The following ANKRD52 variants were observed in gnomAD, a reference collection of about 807,000 sequenced individuals.
The protein encoded by ANKRD52 is ankyrin repeat domain 52.
Under a neutral mutation model 116.0 loss-of-function variants are expected in ANKRD52, and 7 were observed. The ratio of observed to expected loss-of-function variants is 0.06; its 90% confidence interval spans 0.03 to 0.11. The LOEUF is 0.11. Among genes scored for constraint, ANKRD52 ranks in the 10% least tolerant of loss-of-function variants. ANKRD52 has a pLI of 1.00. For missense variants in ANKRD52, 839 were observed against 1,408.6 expected, an observed-to-expected ratio of 0.60 and a Z score of 6.47; for synonymous variants, 528 against 578.1, an observed-to-expected ratio of 0.91 and a Z score of 1.24.
At position 56,244,517 on chromosome 12, in the gene ANKRD52, G is replaced by A; in HGVS notation, c.2723-82C>T. 6.3e-7 allele frequency: 1 copy of A among 1,592,828 alleles called. No individual in the cohort carries two copies. Among genetic ancestry groups the A allele is most frequent in the Non-Finnish European group, 8.6e-7 (1 of 1,164,956 alleles). On this transcript the variant is annotated intron_variant, in intron 24 of 27. Coordinates refer to ENST00000267116, the MANE Select transcript of ANKRD52 (RefSeq NM_173595.4). The surrounding 1 kb of genome is among the most constrained non-coding windows in gnomAD (Gnocchi z 4.9). ...TGGCTCTCCACTTTGCATCCCGTCT[G>A]CAGATGGCGAGACATCCAAAGACAA...
intron 2 of ANKRD52, 35 bp downstream of exon 2, chr12:56,257,793 T>C (rs1872028907): frequency 6.2e-7 from 1 of 1,604,116 alleles, no homozygotes; most frequent in African/African-American, 1.3e-5. Context: ...GGAGCCAGGA[T>C]TCCGGTCTCG....
Position 56,248,930 on chromosome 12 carries a change from C to T in ANKRD52, c.1593-60G>A. ...AGGCCCAGCCCAGGAGGGCACAGTT[C>T]TGGGAGGGCCAGAGGAGAGGACCAA... On this transcript the variant is annotated intron_variant, in intron 15 of 27. Transcript: ENST00000267116. The surrounding 1 kb of genome is among the most constrained non-coding windows in gnomAD (Gnocchi z 5.1). 1 of 1,293,886 alleles carries T rather than the reference C, an allele frequency of 7.7e-7. No homozygotes were observed. The highest frequency in any genetic ancestry group is 2.5e-5 in the East Asian group (1 of 39,388). 80.2% of individuals were successfully genotyped at this position (1,293,886 alleles called of 1,614,324 possible).
intron 22 of ANKRD52, 29 bp from the exon 23 acceptor site, chr12:56,245,018 G>C (rs1270050624): frequency 1.9e-5 from 30 of 1,613,272 alleles, no homozygotes; most frequent in Non-Finnish European, 2.5e-5. Flanking sequence ...GGGGTCATCA[G>C]GAAGGACAAG....
chr12:56,251,145 T>TGGCCA (rs1383087892), intron 15 of ANKRD52, among the ~76,000 whole-genome samples: 1 of 152,128 alleles, frequency 6.6e-6, no homozygotes, highest in Non-Finnish European at 1.5e-5. Flanking sequence ...TTCACCACGT[T>TGGCCA]GGCCAGGCTG....
intron 15 of ANKRD52, among the ~76,000 whole-genome samples, chr12:56,250,368 GTTT>G: frequency 7.1e-6 from 1 of 139,962 alleles, no homozygotes; most frequent in Non-Finnish European, 1.6e-5. Flanking sequence ...ATTTTTGTGG[GTTT>G]TTTTTTTTTT....
At chr12:56,245,707 T>G (rs1344620131) in intron 20 of ANKRD52, 111 bp from the exon 21 acceptor site, 8 of 708,662 alleles carry the variant, frequency 1.1e-5, no homozygotes, top group Non-Finnish European at 1.7e-5. Flanking sequence ...CCAATCCTTG[T>G]CTTTTTTTTT....
At position 56,254,017 on chromosome 12, in the gene ANKRD52, T is replaced by C. The variant is rs769642426; in HGVS notation, c.906+50A>G. 2 of 1,556,532 alleles carry C rather than the reference T, an allele frequency of 1.3e-6. No homozygotes were observed. Among genetic ancestry groups the C allele is most frequent in the East Asian group, 2.3e-5 (1 of 44,352 alleles). ...GCTATCCAGATACAGTCAGGACCCC[T>C]AGATCCAAGTTTCGCTCCCCACTGG... is the stretch of plus-strand genomic sequence containing the variant. On this transcript the variant is annotated intron_variant, in intron 8 of 27. Transcript: ENST00000267116. The surrounding 1 kb of genome is among the most constrained non-coding windows in gnomAD (Gnocchi z 4.6).
rs753622442 is a variant in ANKRD52, at chr12:56,258,310, G to A, written c.-41C>T. ...CCGTCCGCATCGAGCTCCCGGCGGCGGCGGCGGCGGCTCCACCGGGGACAC... is the reference window on the plus strand; with the variant it reads ...CCGTCCGCATCGAGCTCCCGGCGGCAGCGGCGGCGGCTCCACCGGGGACAC... On this transcript the variant is annotated 5_prime_UTR_variant, in exon 1 of 28. Coordinates refer to ENST00000267116, the MANE Select transcript of ANKRD52 (RefSeq NM_173595.4). The A allele has an allele frequency of 3.0e-5, 45 of 1,523,472 alleles. No individual in the cohort carries two copies. The African/African-American group carries it at 5.6e-4, about 19-fold the overall frequency. The allele number at this position is 1,523,472 out of a possible 1,614,324, so 94.4% of individuals were successfully genotyped here. A position where few individuals can be genotyped will look rare whatever the true frequency, so the allele number is the denominator to read the frequency against.
chr12:56,245,255 C>G, intron 21 of ANKRD52, 65 bp from the exon 22 acceptor site: 1 of 1,603,732 alleles, frequency 6.2e-7, no homozygotes, highest in Non-Finnish European at 8.5e-7. Flanking sequence ...TGTCCTGTGT[C>G]TTGACACTCC....
rs978313591 is a variant in ANKRD52 at position 56,241,632 on chromosome 12, G to A, written c.*1510C>T. 2 of 210,614 alleles carry A rather than the reference G, an allele frequency of 9.5e-6. No individual in the cohort carries two copies. Among genetic ancestry groups the A allele is most frequent in the African/African-American group, 4.6e-5 (2 of 43,806 alleles). 13.0% of individuals were successfully genotyped at this position (210,614 alleles called of 1,614,324 possible). On this transcript the variant is annotated 3_prime_UTR_variant, in exon 28 of 28. Coordinates refer to ENST00000267116, the MANE Select transcript of ANKRD52 (RefSeq NM_173595.4). ...TGGGCAAGGATGCAGTGTGGGGGCG[G>A]AGGGGGCATGACCTCTATTCAAGTT...
rs1871812876 is a variant in ANKRD52, at chr12:56,253,820, TTTTG to T, written c.907-24_907-21del. 3 of 1,609,590 alleles carry T rather than the reference TTTTG, an allele frequency of 1.9e-6. No individual in the cohort carries two copies. The highest frequency in any genetic ancestry group is 4.5e-5 in the East Asian group (2 of 44,848). On this transcript the variant is annotated intron_variant, in intron 8 of 27. Transcript: ENST00000267116. This position sits in a 1 kb window ranked among gnomAD's most constrained non-coding sequence, Gnocchi z 5.5. ...TTTGCTCTGTGGAAACATGGTGGGT[TTTTG>T]TTTTTGTTTTTTTTTCCAGTGCAAA...
chr12:56,256,222 C>T (rs1416929140), intron 4 of ANKRD52, among the ~76,000 whole-genome samples: 1 of 152,262 alleles, frequency 6.6e-6, no homozygotes, highest in Middle Eastern at 3.4e-3. Flanking sequence ...TTCTTCAAGC[C>T]ACCTGACTCG....
chr12:56,244,638 T>G lies in ANKRD52; in HGVS notation c.2722+14A>C, dbSNP rs771931767. ...CAGGGGAGCTCCTCCCTTCCACAAGTGGCCCCTACACACCCACAGCAGCGG... is the reference window on the plus strand; with the variant it reads ...CAGGGGAGCTCCTCCCTTCCACAAGGGGCCCCTACACACCCACAGCAGCGG... On this transcript the variant is annotated intron_variant, in intron 24 of 27. Transcript: ENST00000267116. The surrounding 1 kb of genome is among the most constrained non-coding windows in gnomAD (Gnocchi z 4.9). 1.9e-6 allele frequency: 3 copies of G among 1,613,180 alleles called. No homozygotes were observed. Among genetic ancestry groups the G allele is most frequent in the Admixed American group, 3.3e-5 (2 of 60,008 alleles).
Position 56,244,330 on chromosome 12 carries a change from C to T in ANKRD52, c.2805+23G>A. On this transcript the variant is annotated intron_variant, in intron 25 of 27. Transcript: ENST00000267116. The surrounding 1 kb of genome is among the most constrained non-coding windows in gnomAD (Gnocchi z 4.9). Reference sequence around the variant, plus strand: ...ATCAAGCTCTGCCCCTTATGCAGTCCCCCAATCACTTCAGGTAAGTACCTT... The same window carrying T: ...ATCAAGCTCTGCCCCTTATGCAGTCTCCCAATCACTTCAGGTAAGTACCTT... The T allele has an allele frequency of 6.2e-7, 1 of 1,611,506 alleles. No individual in the cohort carries two copies. The highest frequency in any genetic ancestry group is 8.5e-7 in the Non-Finnish European group (1 of 1,177,730).
chr12:56,246,394 C>T (rs1871402432), intron 20 of ANKRD52, among the ~76,000 whole-genome samples: 1 of 152,262 alleles, frequency 6.6e-6, no homozygotes, highest in South Asian at 2.1e-4. Flanking sequence ...TCTATGCCAG[C>T]AGACAATCAG....
chr12:56,249,558 C>T (rs7296038), intron 15 of ANKRD52, among the ~76,000 whole-genome samples: 3,138 of 152,090 alleles, frequency 0.021, 43 homozygotes, highest in Non-Finnish European at 0.033. Flanking sequence ...ATTTTAGTGT[C>T]CTTTTTAAAA....
At chr12:56,250,725 T>C (rs949826056) in intron 15 of ANKRD52, among the ~76,000 whole-genome samples, 1 of 123,404 alleles carries the variant, frequency 8.1e-6, no homozygotes, top group Non-Finnish European at 1.8e-5. Context: ...ACCTACAAAA[T>C]AAATTAATTA....
rs764556421 is a variant in ANKRD52, at chr12:56,243,229, G to T, written c.3144C>A (p.Gly1048=). ...CSIAAAKTVG[G]CGALPHGASC... The stretch of plus-strand genomic sequence containing the variant: ...AGGCCCCATGGGGCAGGGCGCCGCA[G>T]CCACCCACCGTCTTGGCGGCTGCAA... Residue 1048 remains glycine (G), a synonymous_variant, in exon 28 of 28, where the codon GGC becomes GGA. Coordinates refer to ENST00000267116, the MANE Select transcript of ANKRD52 (RefSeq NM_173595.4). The surrounding 1 kb of genome is among the most constrained non-coding windows in gnomAD (Gnocchi z 4.6). 2.5e-4 allele frequency: 403 copies of T among 1,613,750 alleles called. No homozygotes were observed. Among genetic ancestry groups the T allele is most frequent in the Non-Finnish European group, 3.3e-4 (394 of 1,179,852 alleles).
At chr12:56,249,489 G>A (rs1441612904) in intron 15 of ANKRD52, among the ~76,000 whole-genome samples, 1 of 152,078 alleles carries the variant, frequency 6.6e-6, no homozygotes, top group Non-Finnish European at 1.5e-5. Flanking sequence ...CCTTACTGTG[G>A]GTGATGAAAT....
Sources: allele counts gnomAD v4.1 joint callset (sites outside exome capture counted in the v4.1 genomes callset), GRCh38; gene constraint gnomAD v4.1.1; non-coding constraint Gnocchi (gnomAD v3.1); transcripts MANE v1.5; gene names NCBI Gene and HGNC (gene_info 2026-07-23, HGNC 2026-07-21).